MAP2: variants seen among roughly 807,000 people sequenced by gnomAD.
The protein encoded by MAP2 is microtubule-associated protein 2.
Under a neutral mutation model 137.6 loss-of-function variants are expected in MAP2, and 14 were observed. The ratio of observed to expected loss-of-function variants is 0.10; its 90% CI spans 0.07 to 0.16. The LOEUF is 0.16. Ranked by LOEUF, MAP2 falls within the 10% of genes least tolerant of loss-of-function variation. MAP2 has a pLI of 1.00. For synonymous variants in MAP2, 786 were observed against 782.3 expected (o/e 1.00, Z -0.08); for missense variants, 2,088 against 2,191.5 (o/e 0.95, Z 0.94).
chr2:209,441,958 T>A lies in MAP2; in HGVS notation c.-222+17682T>A, dbSNP rs1202149799. 5.3e-5 allele frequency among the ~76,000 whole-genome samples: 8 copies of A among 151,694 alleles called. No individual in the cohort carries two copies. The South Asian group carries it at 1.7e-3, about 31-fold the overall frequency. On this transcript the variant is annotated intron_variant, in intron 1 of 15. Coordinates refer to ENST00000682079, the MANE Select transcript of MAP2 (RefSeq NM_001375505.1). ...ACAGAGGTCTTTTAGCACAATGTAG[T>A]CAGTCAGTGCCACATGGGAACAAAA...
chr2:209,679,454 GAGAC>G (rs1197871660), intron 6 of MAP2, among the ~76,000 whole-genome samples: 7 of 151,938 alleles, frequency 4.6e-5, no homozygotes, highest in Non-Finnish European at 1.0e-4. Flanking sequence ...TACAGGAAAG[GAGAC>G]TCTCTTAAAT....
intron 1 of MAP2, among the ~76,000 whole-genome samples, chr2:209,441,491 A>C (rs535974763): frequency 6.6e-6 from 1 of 151,576 alleles, no homozygotes; most frequent in South Asian, 2.1e-4. Flanking sequence ...AAAAGAAGGG[A>C]AAAAGGAGGT....
chr2:209,430,218 T>C (rs145423723), intron 1 of MAP2, among the ~76,000 whole-genome samples: 7 of 151,110 alleles, frequency 4.6e-5, no homozygotes, highest in South Asian at 2.1e-4. Flanking sequence ...ACAAAACTTA[T>C]TTATTGTTTG....
At chr2:209,528,784 A>G (rs1192876492) in intron 2 of MAP2, among the ~76,000 whole-genome samples, 2 of 141,874 alleles carry the variant, frequency 1.4e-5, no homozygotes, top group Non-Finnish European at 3.0e-5. Context: ...GTACATATGT[A>G]TGTATATATG....
chr2:209,641,926 A>G (rs1472314532), intron 4 of MAP2, among the ~76,000 whole-genome samples: 1 of 152,120 alleles, frequency 6.6e-6, no homozygotes, highest in Non-Finnish European at 1.5e-5. Context: ...TTACAAAGTT[A>G]GTGTTGTTAT....
intron 13 of MAP2, among the ~76,000 whole-genome samples, chr2:209,712,817 T>G (rs912313704): frequency 6.6e-6 from 1 of 152,148 alleles, no homozygotes; most frequent in African/African-American, 2.4e-5. Context: ...TCTTAGAAAT[T>G]ATCAAAATGA....
At chr2:209,672,871 G>T (rs190058486) in intron 5 of MAP2, among the ~76,000 whole-genome samples, 87 of 151,874 alleles carry the variant, frequency 5.7e-4, no homozygotes, top group African/African-American at 2.0e-3. Context: ...TACCGTTTGG[G>T]TTTCTTCAAG....
chr2:209,612,898 T>C (rs529622533), intron 3 of MAP2, among the ~76,000 whole-genome samples: 3 of 152,328 alleles, frequency 2.0e-5, no homozygotes, highest in Non-Finnish European at 1.5e-5. Context: ...AGCAGTGGCA[T>C]TATGTTTTCT....
intron 1 of MAP2, among the ~76,000 whole-genome samples, chr2:209,434,943 G>GTGTTATATATATATGTTTTATATATA: frequency 7.8e-6 from 1 of 128,878 alleles, no homozygotes; most frequent in East Asian, 2.5e-4. Context: ...TTATATATAT[G>GTGTTATATATATATGTTTTATATATA]TGTTTTATAT....
At chr2:209,609,907 A>G (rs541359198) in intron 3 of MAP2, among the ~76,000 whole-genome samples, 1 of 152,278 alleles carries the variant, frequency 6.6e-6, no homozygotes, top group Admixed American at 6.5e-5. Context: ...ACATTCATGT[A>G]CTTTTCTACT....
At chr2:209,588,689 A>G (rs2078416949) in intron 3 of MAP2, among the ~76,000 whole-genome samples, 1 of 152,162 alleles carries the variant, frequency 6.6e-6, no homozygotes, top group South Asian at 2.1e-4. Context: ...AAGGTGAAGC[A>G]TGCAAGCGTT....
chr2:209,692,196 A>G (rs1246866065), intron 7 of MAP2, among the ~76,000 whole-genome samples: 1 of 152,156 alleles, frequency 6.6e-6, no homozygotes, highest in Non-Finnish European at 1.5e-5. Context: ...TTCTTTATCT[A>G]TATTTAGTCC....
chr2:209,696,117 A>C lies in MAP2; in HGVS notation c.3947A>C (p.Gln1316Pro). Reference sequence around the variant, plus strand: ...AGCGTGCGTTTTGCAGCCCTAGAGCAGCCTGAGGTGGAAAGGAGACCATCT... The same window carrying C: ...AGCGTGCGTTTTGCAGCCCTAGAGCCGCCTGAGGTGGAAAGGAGACCATCT... Reference protein sequence around the residue: ...SHSVRFAALEQPEVERRPSPH... With the variant: ...SHSVRFAALEPPEVERRPSPH... The change falls in exon 8 of 16, where the codon CAG (glutamine) becomes CCG (proline). Residue 1316 changes from glutamine (Q) to proline (P), a missense_variant. Around this residue, in one of 6 missense-constraint regions of MAP2, gnomAD observed 591 missense variants for 642.6 expected, o/e 0.92. Coordinates refer to ENST00000682079, the MANE Select transcript of MAP2 (RefSeq NM_001375505.1). 1 of 1,613,632 alleles carries C rather than the reference A, an allele frequency of 6.2e-7. No homozygotes were observed. Among genetic ancestry groups the C allele is most frequent in the South Asian group, 1.1e-5 (1 of 90,984 alleles).
intron 4 of MAP2, among the ~76,000 whole-genome samples, chr2:209,640,806 A>C (rs2093961976): frequency 6.6e-6 from 1 of 151,866 alleles, no homozygotes; most frequent in South Asian, 2.1e-4. Flanking sequence ...AGCCGATCCC[A>C]CTCATAGAAA....
chr2:209,434,874 T>TTATATATATATGTTATATATATGTTA (rs199921912), intron 1 of MAP2, among the ~76,000 whole-genome samples: 1 of 93,178 alleles, frequency 1.1e-5, no homozygotes, highest in Non-Finnish European at 2.5e-5. Context: ...TATATATATG[T>TTATATATATATGTTATATATATGTTA]TATATATATG....
chr2:209,472,105 A>G (rs567545589), intron 1 of MAP2, among the ~76,000 whole-genome samples: 1 of 152,294 alleles, frequency 6.6e-6, no homozygotes, highest in East Asian at 1.9e-4. Context: ...TTTATTTTGT[A>G]TATATGAGGT....
chr2:209,599,731 C>T (rs1342717687), intron 3 of MAP2, among the ~76,000 whole-genome samples: 1 of 151,786 alleles, frequency 6.6e-6, no homozygotes, highest in East Asian at 1.9e-4. Context: ...TGGCATATAA[C>T]AGGCATTTAA....
At chr2:209,617,779 G>A (rs1210643580) in intron 3 of MAP2, among the ~76,000 whole-genome samples, 1 of 151,896 alleles carries the variant, frequency 6.6e-6, no homozygotes, top group Non-Finnish European at 1.5e-5. Context: ...ATGAATGTTG[G>A]GGGTGGGGGA....
chr2:209,530,313 AGAT>A (rs1234766363), intron 2 of MAP2, among the ~76,000 whole-genome samples: 71 of 152,294 alleles, frequency 4.7e-4, no homozygotes, highest in South Asian at 2.1e-3. Flanking sequence ...TTTGCTATAT[AGAT>A]GATATGTAGT....
Sources: allele counts gnomAD v4.1 joint callset (sites outside exome capture counted in the v4.1 genomes callset), GRCh38; gene constraint gnomAD v4.1.1; regional missense constraint gnomAD v4.1.1; transcripts MANE v1.5; gene names NCBI Gene and HGNC (gene_info 2026-07-23, HGNC 2026-07-21).